IMMP2L: variants seen among roughly 807,000 people sequenced by gnomAD.
IMMP2L encodes mitochondrial inner membrane protease subunit 2.
IMMP2L carries 18 observed loss-of-function variants against 19.3 expected under a neutral mutation model. The ratio of observed to expected loss-of-function variants is 0.93; its 90% CI spans 0.64 to 1.38. The LOEUF (loss-of-function observed/expected upper bound fraction) is 1.38, where lower values mean the gene tolerates loss of function less well. Ranked by LOEUF, IMMP2L falls within the 40% of genes most tolerant of loss-of-function variation. The probability of loss-of-function intolerance (pLI) is 0.00; values close to 1 mark genes in which losing one functional copy is unlikely to be tolerated. For missense variants in IMMP2L, 233 were observed against 218.2 expected (o/e 1.07, Z -0.43); for synonymous variants, 76 against 73.0 (o/e 1.04, Z -0.21).
chr7:111,274,120 G>GA (rs948051247), intron 3 of IMMP2L, among the ~76,000 whole-genome samples: 7 of 151,804 alleles, frequency 4.6e-5, no homozygotes, highest in East Asian at 1.9e-4. Flanking sequence ...TTCCCAGGGG[G>GA]AAAAAATCAA....
At chr7:110,834,141 G>A (rs1228923245) in intron 5 of IMMP2L, among the ~76,000 whole-genome samples, 1 of 151,982 alleles carries the variant, frequency 6.6e-6, no homozygotes, top group African/African-American at 2.4e-5. Context: ...GTTTTTTATT[G>A]TAATTTATTT....
intron 3 of IMMP2L, among the ~76,000 whole-genome samples, chr7:111,046,909 A>G (rs1792453585): frequency 1.3e-5 from 2 of 152,148 alleles, no homozygotes; most frequent in African/African-American, 4.8e-5. Flanking sequence ...CTAATCCTCC[A>G]AGCACTTATC....
intron 3 of IMMP2L, among the ~76,000 whole-genome samples, chr7:111,159,218 T>C (rs752426308): frequency 3.9e-5 from 6 of 152,046 alleles, no homozygotes; most frequent in Non-Finnish European, 7.4e-5. Context: ...CAGATTCAAG[T>C]GATTCTCCTG....
chr7:111,131,396 T>A (rs1216947318), intron 3 of IMMP2L, among the ~76,000 whole-genome samples: 1 of 151,980 alleles, frequency 6.6e-6, no homozygotes, highest in East Asian at 1.9e-4. Flanking sequence ...TATTAACATA[T>A]TATGTTTGGA....
At chr7:110,965,625 A>C (rs980494544) in intron 3 of IMMP2L, among the ~76,000 whole-genome samples, 4 of 151,870 alleles carry the variant, frequency 2.6e-5, no homozygotes, top group Non-Finnish European at 5.9e-5. Flanking sequence ...AAATTAAGAT[A>C]CTCTCTGCAG....
At chr7:111,144,696 G>A (rs1803282721) in intron 3 of IMMP2L, among the ~76,000 whole-genome samples, 1 of 152,186 alleles carries the variant, frequency 6.6e-6, no homozygotes, top group South Asian at 2.1e-4. Context: ...ATAAGTGAAT[G>A]GATTACAATG....
rs1040841135 is a variant in IMMP2L, at chr7:111,126,616, T to C, written c.240-163051A>G. On this transcript the variant is annotated intron_variant, in intron 3 of 5. Coordinates refer to ENST00000405709, the MANE Select transcript of IMMP2L (RefSeq NM_032549.4). ...TGAATTGAAGTGCCAAGTACATTAG[T>C]AGTCATTTAAAAATCTTATATAGGG... Among the ~76,000 whole-genome samples, 7 of 152,206 alleles carry C rather than the reference T, an allele frequency of 4.6e-5. No individual in the cohort carries two copies. The East Asian group carries it at 1.2e-3, about 25-fold the overall frequency.
chr7:110,947,178 A>C (rs985201935), intron 4 of IMMP2L, among the ~76,000 whole-genome samples: 1 of 152,212 alleles, frequency 6.6e-6, no homozygotes, highest in Non-Finnish European at 1.5e-5. Context: ...GCAAAGATTA[A>C]AATGATTTGA....
chr7:111,295,651 G>A (rs1821551732), intron 3 of IMMP2L, among the ~76,000 whole-genome samples: 1 of 151,698 alleles, frequency 6.6e-6, no homozygotes, highest in South Asian at 2.1e-4. Flanking sequence ...AAAACTCTCT[G>A]GCTGTTCTAG....
intron 3 of IMMP2L, among the ~76,000 whole-genome samples, chr7:111,120,711 G>A (rs1013151402): frequency 4.6e-5 from 7 of 152,152 alleles, no homozygotes; most frequent in Non-Finnish European, 7.3e-5. Context: ...AATCTTCTCT[G>A]AATACTGCAA....
chr7:110,842,579 G>A (rs542452523), intron 5 of IMMP2L, among the ~76,000 whole-genome samples: 1 of 152,280 alleles, frequency 6.6e-6, no homozygotes. Flanking sequence ...TTAACCTTTG[G>A]GGGAGGCAGA....
intron 4 of IMMP2L, among the ~76,000 whole-genome samples, chr7:110,936,786 C>T (rs943065023): frequency 1.6e-4 from 25 of 152,136 alleles, no homozygotes; most frequent in African/African-American, 4.1e-4. Flanking sequence ...ACAGCAAAGG[C>T]TTGGAACCAA....
intron 5 of IMMP2L, among the ~76,000 whole-genome samples, chr7:110,788,243 A>G (rs891381799): frequency 1.9e-4 from 29 of 151,948 alleles, no homozygotes; most frequent in African/African-American, 7.0e-4. Flanking sequence ...TTGTTCTTGA[A>G]CCCTCACTAA....
In IMMP2L at chr7:111,441,965, T is replaced by C. The variant is rs542381997; in HGVS notation, c.239+45273A>G. Among the ~76,000 whole-genome samples, 304 of 151,650 alleles carry C rather than the reference T, an allele frequency of 2.0e-3. 4 individuals carry two copies. The highest frequency in any genetic ancestry group is 5.0e-3 in the Admixed American group (76 of 15,250). ...CACCCTGGCCAACATGGTGAAACCC[T>C]GTCTCTACTAAAAATACAAAAATTA... On this transcript the variant is annotated intron_variant, in intron 3 of 5. Coordinates refer to ENST00000405709, the MANE Select transcript of IMMP2L (RefSeq NM_032549.4).
intron 3 of IMMP2L, among the ~76,000 whole-genome samples, chr7:111,136,377 A>G (rs1288562112): frequency 1.3e-5 from 2 of 152,100 alleles, no homozygotes; most frequent in African/African-American, 2.4e-5. Context: ...TTTCCATCTC[A>G]TGGTAGCCTG....
intron 3 of IMMP2L, among the ~76,000 whole-genome samples, chr7:111,052,993 C>T (rs183684267): frequency 1.3e-4 from 20 of 152,248 alleles, no homozygotes; most frequent in East Asian, 5.8e-4. Context: ...AGAGTGTTAG[C>T]GGCAGCGAAT....
At chr7:110,863,836 C>T (rs1282409300) in intron 5 of IMMP2L, among the ~76,000 whole-genome samples, 1 of 152,046 alleles carries the variant, frequency 6.6e-6, no homozygotes, top group Non-Finnish European at 1.5e-5. Context: ...GTAACTCCAT[C>T]ACAAGTCGAG....
chr7:111,514,092 T>G (rs1845676417), intron 2 of IMMP2L, among the ~76,000 whole-genome samples: 1 of 152,104 alleles, frequency 6.6e-6, no homozygotes, highest in Non-Finnish European at 1.5e-5. Flanking sequence ...GTAGGATTAA[T>G]AATTTCTGGA....
At chr7:111,419,056 G>A (rs1014028213) in intron 3 of IMMP2L, among the ~76,000 whole-genome samples, 5 of 151,708 alleles carry the variant, frequency 3.3e-5, no homozygotes, top group African/African-American at 9.7e-5. Flanking sequence ...GCCATAGGTG[G>A]AAATCAAATC....
Sources: gnomAD v4.1 joint callset for allele counts (sites outside exome capture counted in the v4.1 genomes callset) on GRCh38, gnomAD v4.1.1 for gene constraint, MANE v1.5 for transcripts, NCBI Gene and HGNC (gene_info 2026-07-23, HGNC 2026-07-21) for gene names.